The following GOLGA8H variants were observed in gnomAD, a reference collection of about 807,000 sequenced individuals.
The protein encoded by GOLGA8H is golgin A8 family member H.
In GOLGA8H, 47 loss-of-function variants were observed where a neutral mutation model predicts 82.7. The ratio of observed to expected loss-of-function variants is 0.57; its 90% confidence interval spans 0.45 to 0.73. The LOEUF (loss-of-function observed/expected upper bound fraction) is 0.73. Among genes scored for constraint, GOLGA8H ranks in the 30% least tolerant of loss-of-function variants. The pLI is 0.00. For missense variants in GOLGA8H, 372 were observed against 661.0 expected (o/e 0.56, Z 4.79); for synonymous variants, 108 against 241.6 (o/e 0.45, Z 5.13).
In GOLGA8H at chr15:30,605,797, A is replaced by T. The variant is rs745399763; in HGVS notation, c.49-46A>T. ...AAACTGTAAAGGAGGATGTGGCTGC[A>T]GGGGCTGACGGTTCTCATGAGTATT... On this transcript the variant is annotated intron_variant, in intron 1 of 18. Coordinates refer to ENST00000566740, the MANE Select transcript of GOLGA8H (RefSeq NM_001282490.2). 3 of 1,589,470 alleles carry T rather than the reference A, an allele frequency of 1.9e-6. No homozygotes were observed. In the Admixed American group the frequency reaches 5.1e-5, roughly 27 times the overall value.
chr15:30,607,707 T>C, intron 4 of GOLGA8H: 1 of 583,730 alleles, frequency 1.7e-6, no homozygotes, highest in South Asian at 2.0e-5. Flanking sequence ...TCAGTAAATG[T>C]TTATTGAATG....
chr15:30,609,118 CGTGTGT>C lies in GOLGA8H; in HGVS notation c.591+384_591+389del, dbSNP rs57392338. ...TCTGTAGAAAGAGGAAACGTGTGTG[CGTGTGT>C]GTGTGTGTGTGTGTGTGTGTGCATA... is the stretch of plus-strand genomic sequence containing the variant. On this transcript the variant is annotated intron_variant, in intron 8 of 18. Transcript: ENST00000566740. 2.0e-3 allele frequency among the ~76,000 whole-genome samples: 170 copies of C among 85,640 alleles called. 4 individuals are homozygous for C. Among genetic ancestry groups the C allele is most frequent in the Middle Eastern group, 6.1e-3 (1 of 164 alleles). The allele number at this position is 85,640 out of a possible 152,430, so 56.2% of individuals were successfully genotyped here.
rs1306476763 is a variant in GOLGA8H, at chr15:30,605,903, A to T, written c.109A>T (p.Lys37Ter). 4 of 1,591,088 alleles carry T rather than the reference A, an allele frequency of 2.5e-6. No individual in the cohort carries two copies. The African/African-American group carries it at 5.4e-5, about 21-fold the overall frequency. ...TCCAGCAGGAGCGAACAGGAACAGG[A>T]AAACAAATGGCAGTGTCCCTGAGAA... is the stretch of plus-strand genomic sequence containing the variant. ...RVPAGANRNRKTNGSVPEKAT... is the reference protein window; with the variant it reads ...RVPAGANRNR Residue 37 changes from lysine to a stop codon, truncating the protein, a stop_gained, in exon 2 of 19, where the codon AAA (lysine) becomes TAA (stop). Transcript: ENST00000566740. LOFTEE classifies it high-confidence loss of function.
intron 4 of GOLGA8H, chr15:30,607,720 C>T: frequency 6.7e-6 from 4 of 594,518 alleles, no homozygotes; most frequent in East Asian, 2.9e-5. Flanking sequence ...ATTGAATGAA[C>T]CCACTTCTCT....
rs370737653 is a variant in GOLGA8H, at chr15:30,610,350, A to G, written c.835A>G (p.Lys279Glu). ...EKQQDMRRVEKLERSLSKLKN... is the reference protein window; with the variant it reads ...EKQQDMRRVEELERSLSKLKN... The stretch of plus-strand genomic sequence containing the variant: ...GCAGCAAGATATGCGTCGGGTAGAG[A>G]AGCTGGAGAGGAGCTTGTCCAAACT... Residue 279 changes from lysine (K) to glutamate (E), a missense_variant, in exon 11 of 19, where the codon AAG (lysine) becomes GAG (glutamate). Coordinates refer to ENST00000566740, the MANE Select transcript of GOLGA8H (RefSeq NM_001282490.2). The G allele has an allele frequency of 4.3e-3, 6,283 of 1,455,086 alleles. 82 individuals are homozygous for G. In the African/African-American group the frequency reaches 0.058, roughly 14 times the overall value. 90.1% of individuals were successfully genotyped at this position (1,455,086 alleles called of 1,614,324 possible). A position where few individuals can be genotyped will look rare whatever the true frequency, so the allele number is the denominator to read the frequency against.
chr15:30,609,684 G>C (rs1434037978), intron 8 of GOLGA8H, 122 bp from the exon 9 acceptor site: 31 of 1,326,096 alleles, frequency 2.3e-5, no homozygotes, highest in Non-Finnish European at 3.2e-6. Flanking sequence ...CCACGGGCTT[G>C]GAAATGCCTT....
chr15:30,609,119 G>T (rs1488241913), intron 8 of GOLGA8H, among the ~76,000 whole-genome samples: 1 of 38,360 alleles, frequency 2.6e-5, no homozygotes, highest in Admixed American at 2.1e-4. Flanking sequence ...ACGTGTGTGC[G>T]TGTGTGTGTG....
At position 30,608,706 on chromosome 15, in the gene GOLGA8H, G is replaced by A. The variant is rs1298491997; in HGVS notation, c.541G>A (p.Glu181Lys). The A allele has an allele frequency of 6.5e-7, 1 of 1,540,450 alleles. No individual in the cohort carries two copies. Among genetic ancestry groups the A allele is most frequent in the Non-Finnish European group, 8.8e-7 (1 of 1,135,394 alleles). ...QHSLQRKGEL[E>K]SVLSNVMATQ... Reference sequence around the variant, plus strand: ...TTCATTGCAGCGTAAAGGAGAGTTAGAGAGTGTTCTCTCTAATGTCATGGC... The same window carrying A: ...TTCATTGCAGCGTAAAGGAGAGTTAAAGAGTGTTCTCTCTAATGTCATGGC... Residue 181 changes from glutamate to lysine, a missense_variant, in exon 8 of 19, where the codon GAG (glutamate) becomes AAG (lysine). Coordinates refer to ENST00000566740, the MANE Select transcript of GOLGA8H (RefSeq NM_001282490.2).
At chr15:30,609,118 CGTGTGTGT>C (rs57392338) in intron 8 of GOLGA8H, among the ~76,000 whole-genome samples, 8 of 85,564 alleles carry the variant, frequency 9.3e-5, no homozygotes, top group African/African-American at 2.6e-4. Flanking sequence ...AACGTGTGTG[CGTGTGTGT>C]GTGTGTGTGT....
chr15:30,613,289 C>A lies in GOLGA8H; in HGVS notation c.1368+94C>A. 3.3e-6 allele frequency: 2 copies of A among 599,814 alleles called. 1 individual carries two copies. The highest frequency in any genetic ancestry group is 3.4e-5 in the South Asian group (2 of 58,186). The allele number at this position is 599,814 out of a possible 1,614,324, so 37.2% of individuals were successfully genotyped here. On this transcript the variant is annotated intron_variant, in intron 15 of 18. Coordinates refer to ENST00000566740, the MANE Select transcript of GOLGA8H (RefSeq NM_001282490.2). Reference sequence around the variant, plus strand: ...TCTTCGTTTCCCTGCCTTCTGATTTCTCTGGACCCTCACCCCTTCCGAGAG... The same window carrying A: ...TCTTCGTTTCCCTGCCTTCTGATTTATCTGGACCCTCACCCCTTCCGAGAG...
chr15:30,608,992 G>T (rs1481176548), intron 8 of GOLGA8H, among the ~76,000 whole-genome samples: 1 of 128,446 alleles, frequency 7.8e-6, no homozygotes, highest in Non-Finnish European at 1.7e-5. Context: ...CCAAATGCCT[G>T]CCCCGCCCTT....
intron 8 of GOLGA8H, 151 bp from the exon 9 acceptor site, chr15:30,609,655 T>G (rs2936451): frequency 1.1e-6 from 1 of 924,826 alleles, no homozygotes; most frequent in South Asian, 1.4e-5. Context: ...AACTTTACTG[T>G]GTTCTTTTAA....
rs772141627 is a variant in GOLGA8H, at chr15:30,610,286, C to G, written c.787-16C>G. The G allele has an allele frequency of 8.8e-6, 9 of 1,026,430 alleles. No individual in the cohort carries two copies. Among genetic ancestry groups the G allele is most frequent in the Non-Finnish European group, 1.3e-5 (9 of 683,362 alleles). 63.6% of individuals were successfully genotyped at this position (1,026,430 alleles called of 1,614,324 possible). A position where few individuals can be genotyped will look rare whatever the true frequency, so the allele number is the denominator to read the frequency against. On this transcript the variant is annotated splice_polypyrimidine_tract_variant and intron_variant, in intron 10 of 18. Transcript: ENST00000566740. ...GCCCCTCTCTCCAAGGCCCTTTCCCCTTGTGCTTTGGGCAGATTTGCACAT... is the reference window on the plus strand; with the variant it reads ...GCCCCTCTCTCCAAGGCCCTTTCCCGTTGTGCTTTGGGCAGATTTGCACAT...
rs1396117106 is a variant in GOLGA8H, at chr15:30,615,762, G to GT, written c.*1203dup. Among the ~76,000 whole-genome samples the GT allele has an allele frequency of 7.8e-6, 1 of 128,532 alleles. No homozygotes were observed. The highest frequency in any genetic ancestry group is 7.7e-5 in the Admixed American group (1 of 13,028). The allele number at this position is 128,532 out of a possible 152,430, so 84.3% of individuals were successfully genotyped here. A position where few individuals can be genotyped will look rare whatever the true frequency, so the allele number is the denominator to read the frequency against. On this transcript the variant is annotated 3_prime_UTR_variant, in exon 19 of 19. Transcript: ENST00000566740. ...TAATACCTATTCTTCAACCACCTTGGTTACTCTGACATAGGAATTTACTTC... is the reference window on the plus strand; with the variant it reads ...TAATACCTATTCTTCAACCACCTTGGTTTACTCTGACATAGGAATTTACTTC...
At chr15:30,612,549 G>T (rs756845547) in intron 13 of GOLGA8H, 48 bp from the exon 14 acceptor site, 2 of 1,579,798 alleles carry the variant, frequency 1.3e-6, no homozygotes, top group South Asian at 2.2e-5. Context: ...CTGTGAGGGG[G>T]ACGACCTGGC....
chr15:30,608,835 G>C, intron 8 of GOLGA8H, 79 bp downstream of exon 8: 1 of 1,288,356 alleles, frequency 7.8e-7, no homozygotes. Flanking sequence ...CCCTTCTGCA[G>C]GATGGCGTGT....
chr15:30,606,320 C>T (rs985273335), intron 2 of GOLGA8H, among the ~76,000 whole-genome samples: 7 of 150,822 alleles, frequency 4.6e-5, no homozygotes, highest in African/African-American at 1.5e-4. Context: ...TGCCACTGCA[C>T]TCCAGCCTGG....
chr15:30,610,017 C>A lies in GOLGA8H; in HGVS notation c.697C>A (p.Gln233Lys), dbSNP rs148147214. ...QLTQLKESFQ[Q>K]VQLERDECAE... ...CTTGCAGTTGAAGGAGTCATTTCAACAAGTCCAATTAGAAAGAGATGAGTG... is the reference window on the plus strand; with the variant it reads ...CTTGCAGTTGAAGGAGTCATTTCAAAAAGTCCAATTAGAAAGAGATGAGTG... Residue 233 changes from glutamine to lysine, a missense_variant, in exon 10 of 19, where the codon CAA (glutamine) becomes AAA (lysine). Coordinates refer to ENST00000566740, the MANE Select transcript of GOLGA8H (RefSeq NM_001282490.2). 1.9e-6 allele frequency: 3 copies of A among 1,611,680 alleles called. No individual in the cohort carries two copies. In the East Asian group the frequency reaches 6.7e-5, roughly 36 times the overall value.
intron 8 of GOLGA8H, 115 bp from the exon 9 acceptor site, chr15:30,609,691 C>T (rs1275359193): frequency 2.1e-6 from 3 of 1,398,358 alleles, no homozygotes; most frequent in South Asian, 2.4e-5. Flanking sequence ...CTTGGAAATG[C>T]CTTGATCTTT....
Sources: allele counts gnomAD v4.1 joint callset (sites outside exome capture counted in the v4.1 genomes callset), GRCh38; gene constraint gnomAD v4.1.1; transcripts MANE v1.5; gene names NCBI Gene and HGNC (gene_info 2026-07-23, HGNC 2026-07-21).